Variants in FBXO4 observed in about 807,000 individuals in gnomAD.
The protein encoded by FBXO4 is F-box protein 4, also known as F-box only protein 4.
A neutral mutation model predicts 43.7 loss-of-function variants in FBXO4; 36 were observed. The ratio of observed to expected loss-of-function variants is 0.82; its 90% CI spans 0.63 to 1.09. The LOEUF is 1.09. Among genes scored for constraint, FBXO4 ranks in the 50% least tolerant of loss-of-function variants. The probability of loss-of-function intolerance (pLI) is 0.00; values close to 1 mark genes in which losing one functional copy is unlikely to be tolerated. For synonymous variants in FBXO4, 180 were observed against 165.6 expected, an observed-to-expected ratio of 1.09 and a Z score of -0.67; for missense variants, 435 against 474.1, an observed-to-expected ratio of 0.92 and a Z score of 0.77.
At chr5:41,947,256 C>A in the FBXO4 span, among the ~76,000 whole-genome samples, 1 of 152,160 alleles carries the variant, frequency 6.6e-6, no homozygotes. Context: ...TAACTACCTT[C>A]ATCAATTAAG....
chr5:41,992,598 A>G, the FBXO4 span, among the ~76,000 whole-genome samples: 3 of 152,196 alleles, frequency 2.0e-5, no homozygotes, highest in African/African-American at 7.2e-5. Flanking sequence ...CTAGAAAACT[A>G]TTTTCTTGAT....
the FBXO4 span, among the ~76,000 whole-genome samples, chr5:42,012,733 A>C: frequency 6.6e-6 from 1 of 152,160 alleles, no homozygotes; most frequent in Non-Finnish European, 1.5e-5. Context: ...CAGTATGTGC[A>C]AGGGTTAAGA....
chr5:41,937,270 G>C (rs114700979), intron 5 of FBXO4, among the ~76,000 whole-genome samples: 2,437 of 152,118 alleles, frequency 0.016, 74 homozygotes, highest in African/African-American at 0.056. Flanking sequence ...CATCTTTAAC[G>C]CAGCCAGAAA....
Position 41,934,293 on chromosome 5 carries a change from G to T in FBXO4, c.883G>T (p.Ala295Ser), listed in dbSNP as rs1561170512. 1 of 1,614,068 alleles carries T rather than the reference G, an allele frequency of 6.2e-7. No individual in the cohort carries two copies. The highest frequency in any genetic ancestry group is 1.7e-5 in the Admixed American group (1 of 60,024). ...AGATGGGTTCATCTATGTTGCAAAT[G>T]CTGAAGCTCATAAAAGTAAGTACTC... ...VVDGFIYVAN[A>S]EAHKRHEWQD... Residue 295 changes from alanine (A) to serine (S), a missense_variant, in exon 5 of 7, where the codon GCT becomes TCT. Transcript: ENST00000281623.
the FBXO4 span, among the ~76,000 whole-genome samples, chr5:42,023,233 C>T: frequency 5.3e-5 from 8 of 152,178 alleles, no homozygotes; most frequent in Non-Finnish European, 1.2e-4. Flanking sequence ...ATAGATAGCA[C>T]ATAGTATGAA....
chr5:41,946,405 G>C (rs1302031110), downstream of FBXO4, among the ~76,000 whole-genome samples: 1 of 152,198 alleles, frequency 6.6e-6, no homozygotes, highest in Non-Finnish European at 1.5e-5. Flanking sequence ...TGCCTGTTGA[G>C]AATCAACATA....
At chr5:41,948,864 A>T in the FBXO4 span, among the ~76,000 whole-genome samples, 1 of 152,114 alleles carries the variant, frequency 6.6e-6, no homozygotes, top group Non-Finnish European at 1.5e-5. Flanking sequence ...GCTTATCCAC[A>T]ACTATCAGGT....
At chr5:41,974,042 C>A in the FBXO4 span, among the ~76,000 whole-genome samples, 1 of 152,222 alleles carries the variant, frequency 6.6e-6, no homozygotes, top group Non-Finnish European at 1.5e-5. Context: ...CACTGTAAAG[C>A]TAGACTAGTG....
chr5:42,007,102 T>A, the FBXO4 span, among the ~76,000 whole-genome samples: 2 of 151,232 alleles, frequency 1.3e-5, no homozygotes, highest in Admixed American at 1.3e-4. Flanking sequence ...CAGGATGTGA[T>A]CTTATTTGGA....
the FBXO4 span, among the ~76,000 whole-genome samples, chr5:41,959,854 G>A: frequency 6.6e-6 from 1 of 151,898 alleles, no homozygotes; most frequent in Non-Finnish European, 1.5e-5. Flanking sequence ...GTCTTTTGTG[G>A]TTTCATATAA....
At chr5:41,928,655 C>T (rs1266217446) in intron 2 of FBXO4, 1 of 152,424 alleles carries the variant, frequency 6.6e-6, no homozygotes. Context: ...ATTTCTGTTG[C>T]TCAAATAATA....
At chr5:42,021,145 A>G in the FBXO4 span, among the ~76,000 whole-genome samples, 121 of 152,280 alleles carry the variant, frequency 7.9e-4, no homozygotes, top group African/African-American at 2.6e-3. Flanking sequence ...ATAACATTTT[A>G]AAGACTTCTC....
chr5:41,926,171 C>T (rs1751491725), intron 1 of FBXO4, among the ~76,000 whole-genome samples: 1 of 152,208 alleles, frequency 6.6e-6, no homozygotes, highest in South Asian at 2.1e-4. Context: ...ATTGACACCT[C>T]TCTCCAATGT....
At chr5:41,933,824 T>C in intron 3 of FBXO4, 122 bp from the exon 4 acceptor site, 1 of 670,322 alleles carries the variant, frequency 1.5e-6, no homozygotes. Context: ...ATTTCAACTC[T>C]ATGTATAAGT....
the FBXO4 span, among the ~76,000 whole-genome samples, chr5:42,007,106 A>T: frequency 6.6e-6 from 1 of 151,184 alleles, no homozygotes; most frequent in South Asian, 2.1e-4. Context: ...ATGTGATCTT[A>T]TTTGGAAATT....
At chr5:42,035,861 T>C in the FBXO4 span, among the ~76,000 whole-genome samples, 1 of 152,074 alleles carries the variant, frequency 6.6e-6, no homozygotes, top group Non-Finnish European at 1.5e-5. Context: ...AAAATTAATA[T>C]TTTTTATTGG....
chr5:42,039,025 T>C, the FBXO4 span, among the ~76,000 whole-genome samples: 6 of 152,128 alleles, frequency 3.9e-5, no homozygotes, highest in East Asian at 1.9e-4. Flanking sequence ...TAAATGATTA[T>C]CCATAGTTAC....
At chr5:42,000,909 G>A in the FBXO4 span, among the ~76,000 whole-genome samples, 1 of 151,922 alleles carries the variant, frequency 6.6e-6, no homozygotes, top group African/African-American at 2.4e-5. Context: ...TATTTCTGGG[G>A]TCTCCGTTCT....
At chr5:41,947,671 A>G in the FBXO4 span, among the ~76,000 whole-genome samples, 1 of 152,242 alleles carries the variant, frequency 6.6e-6, no homozygotes, top group African/African-American at 2.4e-5. Flanking sequence ...TTGGGAGAAC[A>G]TGGATAGTAA....
Sources: allele counts gnomAD v4.1 joint callset (sites outside exome capture counted in the v4.1 genomes callset), GRCh38; gene constraint gnomAD v4.1.1; transcripts MANE v1.5; gene names NCBI Gene and HGNC (gene_info 2026-07-23, HGNC 2026-07-21).